The following VASH1 variants were observed in gnomAD, a reference collection of about 807,000 sequenced individuals.
VASH1 encodes the protein tubulinyl-Tyr carboxypeptidase 1.
In VASH1, 16 loss-of-function variants were observed where a neutral mutation model predicts 35.0. The ratio of observed to expected loss-of-function variants is 0.46; its 90% CI spans 0.31 to 0.70. The LOEUF (loss-of-function observed/expected upper bound fraction) is 0.70, where lower values mean the gene tolerates loss of function less well. VASH1 is among the 30% of genes least tolerant of loss of function. The probability of loss-of-function intolerance (pLI) is 0.05; values close to 1 mark genes in which losing one functional copy is unlikely to be tolerated. For missense variants in VASH1, 505 were observed against 510.7 expected (o/e 0.99, Z 0.11); for synonymous variants, 214 against 200.9 (o/e 1.07, Z -0.55).
chr14:76,771,156 G>C, intron 2 of VASH1, 34 bp from the exon 3 acceptor site: 1 of 1,525,076 alleles, frequency 6.6e-7, no homozygotes, highest in Non-Finnish European at 8.8e-7. Context: ...CCTCCTTCAG[G>C]CCAAGCTAGG....
Position 76,776,101 on chromosome 14 carries a change from A to G in VASH1, c.740A>G (p.Tyr247Cys), listed in dbSNP as rs1381752133. 1 of 1,608,966 alleles carries G rather than the reference A, an allele frequency of 6.2e-7. No individual in the cohort carries two copies. Among genetic ancestry groups the G allele is most frequent in the East Asian group, 2.2e-5 (1 of 44,844 alleles). ...SELVLDFEAA[Y>C]GRCWHVLKKV... is the part of the protein sequence containing the mutation. Reference sequence around the variant, plus strand: ...CTCGTGCTGGACTTCGAGGCCGCCTACGGCCGCTGCTGGCACGTGCTCAAG... The same window carrying G: ...CTCGTGCTGGACTTCGAGGCCGCCTGCGGCCGCTGCTGGCACGTGCTCAAG... The change falls in exon 5 of 7, where the codon TAC becomes TGC. Residue 247 changes from tyrosine to cysteine, a missense_variant. Coordinates refer to ENST00000167106, the MANE Select transcript of VASH1 (RefSeq NM_014909.5).
In VASH1 at chr14:76,779,719, A is replaced by G; in HGVS notation, c.*701A>G. ...AGCCCAGGGAAGGACCTCTGGGCAAAAAGTTCCCAGGCCCTAACTGCGTCT... is the reference window on the plus strand; with the variant it reads ...AGCCCAGGGAAGGACCTCTGGGCAAGAAGTTCCCAGGCCCTAACTGCGTCT... On this transcript the variant is annotated 3_prime_UTR_variant, in exon 7 of 7. Coordinates refer to ENST00000167106, the MANE Select transcript of VASH1 (RefSeq NM_014909.5). 6.8e-6 allele frequency: 4 copies of G among 586,004 alleles called. No homozygotes were observed. Among genetic ancestry groups the G allele is most frequent in the South Asian group, 4.3e-5 (2 of 46,634 alleles). 36.3% of individuals were successfully genotyped at this position (586,004 alleles called of 1,614,324 possible).
intron 6 of VASH1, among the ~76,000 whole-genome samples, chr14:76,778,640 G>T (rs1484708014): frequency 6.6e-6 from 1 of 152,174 alleles, no homozygotes; most frequent in African/African-American, 2.4e-5. Context: ...TTATCTAAGA[G>T]GCTTTTGTAG....
rs961734490 is a variant in VASH1 at position 76,762,183 on chromosome 14, C to T, written c.-639C>T. 6.6e-6 allele frequency: 1 copy of T among 152,224 alleles called. No individual in the cohort carries two copies. The highest frequency in any genetic ancestry group is 2.4e-5 in the African/African-American group (1 of 41,460). 9.4% of individuals were successfully genotyped at this position (152,224 alleles called of 1,614,324 possible). A position where few individuals can be genotyped will look rare whatever the true frequency, so the allele number is the denominator to read the frequency against. On this transcript the variant is annotated 5_prime_UTR_variant, in exon 1 of 7. Transcript: ENST00000167106. ...GAATGTGCGCGTCGGCGCGCGCCCC[C>T]TCCCCGCTCCCGGCCAGCTGCGAGT...
At chr14:76,768,900 G>T (rs753949433) in intron 1 of VASH1, among the ~76,000 whole-genome samples, 3 of 152,174 alleles carry the variant, frequency 2.0e-5, no homozygotes, top group Non-Finnish European at 4.4e-5. Context: ...CTGTGCTGGT[G>T]GACAAGGGGG....
chr14:76,767,205 ACTGCAC>A (rs1284309976), intron 1 of VASH1, among the ~76,000 whole-genome samples: 2 of 151,776 alleles, frequency 1.3e-5, no homozygotes, highest in African/African-American at 2.4e-5. Context: ...AAGTTGAGCC[ACTGCAC>A]TCCAGCCTGG....
chr14:76,775,082 G>A (rs536946365), intron 4 of VASH1, among the ~76,000 whole-genome samples: 11 of 152,166 alleles, frequency 7.2e-5, no homozygotes, highest in Non-Finnish European at 1.3e-4. Flanking sequence ...TTGTGTGCCC[G>A]GCTTGATGCT....
At chr14:76,772,954 C>G (rs1354919686) in intron 3 of VASH1, among the ~76,000 whole-genome samples, 183 bp from the exon 4 acceptor site, 4 of 152,210 alleles carry the variant, frequency 2.6e-5, no homozygotes, top group Non-Finnish European at 5.9e-5. Flanking sequence ...TTTCCCACCC[C>G]CTCAGGCTCC....
At chr14:76,765,037 T>C (rs1356555170) in intron 1 of VASH1, among the ~76,000 whole-genome samples, 1 of 152,166 alleles carries the variant, frequency 6.6e-6, no homozygotes, top group Admixed American at 6.5e-5. Context: ...GCGGCAAGAC[T>C]GGGTTTTGCT....
At chr14:76,763,679 CAGG>C (rs952923634) in intron 1 of VASH1, among the ~76,000 whole-genome samples, 6 of 152,120 alleles carry the variant, frequency 3.9e-5, no homozygotes, top group African/African-American at 1.4e-4. Context: ...TTCAGGTCTT[CAGG>C]AGAAGGGCGG....
At chr14:76,764,880 T>C (rs1183590038) in intron 1 of VASH1, among the ~76,000 whole-genome samples, 2 of 151,998 alleles carry the variant, frequency 1.3e-5, no homozygotes, top group Non-Finnish European at 2.9e-5. Flanking sequence ...GAGATGGGGT[T>C]TCATTTTCAA....
intron 1 of VASH1, among the ~76,000 whole-genome samples, chr14:76,766,197 T>A (rs1468206937): frequency 6.6e-6 from 1 of 152,216 alleles, no homozygotes; most frequent in Non-Finnish European, 1.5e-5. Context: ...ACAGGGATGA[T>A]GCCAGTATGT....
In VASH1 at chr14:76,762,649, T is replaced by C; in HGVS notation, c.-173T>C. The C allele has an allele frequency of 1.9e-6, 1 of 513,386 alleles. No homozygotes were observed. The highest frequency in any genetic ancestry group is 3.3e-6 in the Non-Finnish European group (1 of 307,588). The allele number at this position is 513,386 out of a possible 1,614,324, so 31.8% of individuals were successfully genotyped here. The stretch of plus-strand genomic sequence containing the variant: ...CCACCCCCTCGGACCCTAATTCACC[T>C]TATTGCACTGATTTTTTTTATCAAG... On this transcript the variant is annotated 5_prime_UTR_variant, in exon 1 of 7. Transcript: ENST00000167106.
At chr14:76,774,099 C>G (rs556208998) in intron 4 of VASH1, among the ~76,000 whole-genome samples, 1 of 152,110 alleles carries the variant, frequency 6.6e-6, no homozygotes, top group East Asian at 1.9e-4. Context: ...AAGAGGGTGA[C>G]GGGGAGGGGG....
chr14:76,777,918 C>T, intron 5 of VASH1, 41 bp from the exon 6 acceptor site: 1 of 1,377,726 alleles, frequency 7.3e-7, no homozygotes, highest in Non-Finnish European at 9.5e-7. Context: ...GGCTCCAGGG[C>T]AGTCCTGGAG....
chr14:76,777,726 C>T (rs1268587043), intron 5 of VASH1, among the ~76,000 whole-genome samples: 3 of 152,222 alleles, frequency 2.0e-5, no homozygotes, highest in Non-Finnish European at 4.4e-5. Flanking sequence ...CCCCCACTTC[C>T]ACTCTGCCTT....
At chr14:76,765,334 G>A (rs759410305) in intron 1 of VASH1, among the ~76,000 whole-genome samples, 9 of 152,146 alleles carry the variant, frequency 5.9e-5, no homozygotes, top group African/African-American at 2.2e-4. Context: ...GACTTCCATC[G>A]CTAGGGTAGA....
rs117929405 is a variant in VASH1, at chr14:76,769,995, G to A, written c.342G>A (p.Pro114=). 1.4e-3 allele frequency: 2,188 copies of A among 1,613,642 alleles called. 3 individuals are homozygous for A. The highest frequency in any genetic ancestry group is 1.6e-3 in the Non-Finnish European group (1,934 of 1,179,800). The change falls in exon 2 of 7, where the codon CCG becomes CCA. Residue 114 remains proline, a synonymous_variant. Transcript: ENST00000167106. ...IPIPSVPTFQ[P]STPVPERLEA... is the part of the protein sequence containing the mutation. ...TACCGAGTGTGCCTACGTTCCAGCC[G>A]TCTACACCTGTCCCTGAGCGCCTGG...
Position 76,776,254 on chromosome 14 carries a change from C to A in VASH1, c.893C>A (p.Ala298Asp), listed in dbSNP as rs1241242158. 6.3e-7 allele frequency: 1 copy of A among 1,597,586 alleles called. No individual in the cohort carries two copies. The highest frequency in any genetic ancestry group is 1.7e-5 in the Admixed American group (1 of 59,668). ...DDFRKELERH[A>D]RDMRLKIGKG... is the part of the protein sequence containing the mutation. ...TTCCGCAAGGAGCTGGAGCGCCACGCCCGCGACATGCGGCTCAAGGTCTGC... is the reference window on the plus strand; with the variant it reads ...TTCCGCAAGGAGCTGGAGCGCCACGACCGCGACATGCGGCTCAAGGTCTGC... The change falls in exon 5 of 7, where the codon GCC (alanine) becomes GAC (aspartate). Residue 298 changes from alanine to aspartate, a missense_variant. Physicochemically the swap from Ala to Asp is moderately radical, Grantham distance 126 (BLOSUM62 -2). Transcript: ENST00000167106.
Sources: gnomAD v4.1 joint callset for allele counts (sites outside exome capture counted in the v4.1 genomes callset) on GRCh38, gnomAD v4.1.1 for gene constraint, MANE v1.5 for transcripts, NCBI Gene and HGNC (gene_info 2026-07-23, HGNC 2026-07-21) for gene names.